ADCY2: variants seen among roughly 807,000 people sequenced by gnomAD.
The protein encoded by ADCY2 is adenylate cyclase type 2.
A neutral mutation model predicts 125.2 loss-of-function variants in ADCY2; 31 were observed. The observed-to-expected ratio is 0.25, with a 90% CI of 0.19 to 0.33. The LOEUF (loss-of-function observed/expected upper bound fraction) is 0.33. Among genes scored for constraint, ADCY2 ranks in the 10% least tolerant of loss-of-function variants. The pLI, the probability that ADCY2 is intolerant of heterozygous loss-of-function variation, is 1.00. For synonymous variants in ADCY2, 512 were observed against 548.4 expected, an observed-to-expected ratio of 0.93 and a Z score of 0.93; for missense variants, 904 against 1,418.2, an observed-to-expected ratio of 0.64 and a Z score of 5.82.
chr5:7,748,519 AAC>A (rs35989915), intron 15 of ADCY2, among the ~76,000 whole-genome samples: 2,536 of 90,140 alleles, frequency 0.028, 86 homozygotes, highest in African/African-American at 0.091. Context: ...CCCACCCTCC[AAC>A]ACACACACAC....
At position 7,582,532 on chromosome 5, in the gene ADCY2, A is replaced by G. The variant is rs574801312; in HGVS notation, c.571-43635A>G. On this transcript the variant is annotated intron_variant, in intron 3 of 24. Transcript: ENST00000338316. ...ACAAAATTCTTACTAAAATCTTAGC[A>G]AATAAAATCCACCAATATATACAAA... Among the ~76,000 whole-genome samples the G allele has an allele frequency of 2.0e-5, 3 of 152,286 alleles. No homozygotes were observed. In the South Asian group the frequency reaches 6.2e-4, roughly 32 times the overall value.
chr5:7,420,228 C>T (rs752023692), intron 2 of ADCY2, among the ~76,000 whole-genome samples: 2 of 152,108 alleles, frequency 1.3e-5, no homozygotes, highest in Non-Finnish European at 2.9e-5. Flanking sequence ...CCTGAGAAGC[C>T]GCATATCACC....
intron 3 of ADCY2, among the ~76,000 whole-genome samples, chr5:7,544,661 A>G (rs529044014): frequency 3.3e-4 from 50 of 152,270 alleles, no homozygotes; most frequent in Non-Finnish European, 6.2e-4. Flanking sequence ...TGGAGGGGCC[A>G]TGGCTCAGCT....
intron 12 of ADCY2, among the ~76,000 whole-genome samples, chr5:7,720,954 T>A (rs1364103350): frequency 1.3e-5 from 2 of 152,200 alleles, no homozygotes; most frequent in African/African-American, 2.4e-5. Flanking sequence ...TAGTTCTAGA[T>A]CCTTGAGGAA....
rs190442616 is a variant in ADCY2 at position 7,822,196 on chromosome 5, A to G, written c.3123+1507A>G. 5.7e-3 allele frequency among the ~76,000 whole-genome samples: 865 copies of G among 152,316 alleles called. 11 individuals are homozygous for G. Among genetic ancestry groups the G allele is most frequent in the African/African-American group, 0.02 (832 of 41,568 alleles). On this transcript the variant is annotated intron_variant, in intron 24 of 24. Transcript: ENST00000338316. ...GGATAATATATGTAGAATGGTAAAC[A>G]TGTTCACAAGGTTTAGATGTAACTT...
intron 4 of ADCY2, among the ~76,000 whole-genome samples, chr5:7,640,860 G>A (rs1738678132): frequency 6.6e-6 from 1 of 152,024 alleles, no homozygotes; most frequent in Admixed American, 6.6e-5. Context: ...GAGGATAATG[G>A]GCTAGATTGT....
chr5:7,724,394 A>T, intron 12 of ADCY2, 151 bp from the exon 13 acceptor site: 1 of 633,226 alleles, frequency 1.6e-6, no homozygotes, highest in Admixed American at 3.2e-5. Flanking sequence ...ATATCCAGTT[A>T]GTTGGCATCA....
intron 3 of ADCY2, among the ~76,000 whole-genome samples, chr5:7,624,398 G>A (rs1484114008): frequency 2.6e-5 from 4 of 152,168 alleles, no homozygotes; most frequent in African/African-American, 9.7e-5. Flanking sequence ...TTTCCCTACA[G>A]CCATCTGTCC....
chr5:7,745,012 C>G (rs1579382967), intron 15 of ADCY2, among the ~76,000 whole-genome samples: 1 of 152,136 alleles, frequency 6.6e-6, no homozygotes, highest in East Asian at 1.9e-4. Context: ...ATTGTGGCTT[C>G]TATGAAAGAA....
chr5:7,631,868 A>C (rs143705623), intron 4 of ADCY2, among the ~76,000 whole-genome samples: 1 of 152,286 alleles, frequency 6.6e-6, no homozygotes, highest in Admixed American at 6.5e-5. Flanking sequence ...TATTCAAAAC[A>C]GTCTTTTACC....
intron 2 of ADCY2, among the ~76,000 whole-genome samples, chr5:7,423,830 G>A (rs1185270360): frequency 6.6e-6 from 1 of 152,060 alleles, no homozygotes; most frequent in African/African-American, 2.4e-5. Context: ...CCTTTTCTCT[G>A]TACTGCTTTT....
intron 19 of ADCY2, 98 bp from the exon 20 acceptor site, chr5:7,789,544 G>A (rs940117396): frequency 2.1e-5 from 26 of 1,261,660 alleles, no homozygotes; most frequent in Middle Eastern, 2.6e-4. Context: ...TTCTTTTTTC[G>A]GTTTCATTTT....
chr5:7,763,949 G>C (rs1007521429), intron 16 of ADCY2, among the ~76,000 whole-genome samples: 1 of 152,136 alleles, frequency 6.6e-6, no homozygotes, highest in Non-Finnish European at 1.5e-5. Context: ...GGTTCATCCC[G>C]AGGCTCCACG....
chr5:7,807,691 T>C (rs1744796679), intron 22 of ADCY2, among the ~76,000 whole-genome samples: 1 of 152,178 alleles, frequency 6.6e-6, no homozygotes, highest in Non-Finnish European at 1.5e-5. Context: ...TGGGCCAGAC[T>C]TGGATCACTT....
chr5:7,767,892 G>A (rs938072405), intron 17 of ADCY2, among the ~76,000 whole-genome samples: 1 of 152,198 alleles, frequency 6.6e-6, no homozygotes, highest in African/African-American at 2.4e-5. Flanking sequence ...TTAGCCGGAT[G>A]TGGTGGCAGG....
At chr5:7,627,537 C>G (rs1337321419) in intron 4 of ADCY2, among the ~76,000 whole-genome samples, 1 of 152,196 alleles carries the variant, frequency 6.6e-6, no homozygotes, top group Admixed American at 6.5e-5. Flanking sequence ...GCTATAAACA[C>G]TGTGCTCCCC....
intron 1 of ADCY2, among the ~76,000 whole-genome samples, chr5:7,404,312 A>G (rs1264839740): frequency 1.3e-5 from 2 of 151,790 alleles, no homozygotes; most frequent in African/African-American, 4.8e-5. Flanking sequence ...TATCTTATCC[A>G]TTACTTCTTT....
intron 4 of ADCY2, among the ~76,000 whole-genome samples, chr5:7,690,375 A>G (rs547644131): frequency 6.6e-6 from 1 of 152,314 alleles, no homozygotes; most frequent in African/African-American, 2.4e-5. Flanking sequence ...TGAAATTTTA[A>G]TATTGTTTCT....
At chr5:7,603,435 G>C (rs1359345494) in intron 3 of ADCY2, among the ~76,000 whole-genome samples, 1 of 152,188 alleles carries the variant, frequency 6.6e-6, no homozygotes, top group African/African-American at 2.4e-5. Context: ...GAATTGTTAA[G>C]AACAGCTGTT....
Sources: gnomAD v4.1 joint callset for allele counts (sites outside exome capture counted in the v4.1 genomes callset) on GRCh38, gnomAD v4.1.1 for gene constraint, MANE v1.5 for transcripts, NCBI Gene and HGNC (gene_info 2026-07-23, HGNC 2026-07-21) for gene names.